The following LRRC4C variants were observed in gnomAD, a reference collection of about 807,000 sequenced individuals.
LRRC4C encodes the protein leucine-rich repeat-containing protein 4C.
A neutral mutation model predicts 33.6 loss-of-function variants in LRRC4C; 5 were observed. The ratio of observed to expected loss-of-function variants is 0.15; its 90% confidence interval spans 0.08 to 0.31. LRRC4C has a LOEUF of 0.31. Among genes scored for constraint, LRRC4C ranks in the 10% least tolerant of loss-of-function variants. The pLI is 1.00. For synonymous variants in LRRC4C, 329 were observed against 302.0 expected (o/e 1.09, Z -0.93); for missense variants, 560 against 796.7 (o/e 0.70, Z 3.58).
At chr11:40,309,939 C>A (rs1174551638) in intron 4 of LRRC4C, among the ~76,000 whole-genome samples, 1 of 152,144 alleles carries the variant, frequency 6.6e-6, no homozygotes, top group African/African-American at 2.4e-5. Context: ...CATCTTCTTC[C>A]CTCCTGCTGG....
At chr11:41,364,388 C>T (rs1240230695) in intron 1 of LRRC4C, among the ~76,000 whole-genome samples, 1 of 152,114 alleles carries the variant, frequency 6.6e-6, no homozygotes, top group Non-Finnish European at 1.5e-5. Flanking sequence ...AAGCGATTCT[C>T]CTGCCTCAGC....
intron 3 of LRRC4C, among the ~76,000 whole-genome samples, chr11:40,463,481 G>T (rs911557331): frequency 7.2e-5 from 11 of 151,934 alleles, no homozygotes; most frequent in African/African-American, 2.7e-4. Context: ...CTCAAAATTG[G>T]TAGATAAGAC....
intron 3 of LRRC4C, among the ~76,000 whole-genome samples, chr11:40,570,856 TATTTG>T (rs1402277945): frequency 3.3e-5 from 5 of 152,136 alleles, no homozygotes; most frequent in African/African-American, 1.2e-4. Context: ...TGTAATCAAA[TATTTG>T]ATTTATTAAA....
chr11:40,933,065 A>T (rs767864317), intron 2 of LRRC4C, among the ~76,000 whole-genome samples: 1 of 152,320 alleles, frequency 6.6e-6, no homozygotes, highest in Non-Finnish European at 1.5e-5. Flanking sequence ...TCAGTGACTG[A>T]CTTTGGATTC....
chr11:41,162,790 A>G (rs1944532083), intron 1 of LRRC4C, among the ~76,000 whole-genome samples: 1 of 152,220 alleles, frequency 6.6e-6, no homozygotes, highest in Non-Finnish European at 1.5e-5. Context: ...ATAGTGGTGA[A>G]TGTGAAGGCC....
At chr11:41,436,057 A>G (rs1955415179) in intron 1 of LRRC4C, among the ~76,000 whole-genome samples, 1 of 152,138 alleles carries the variant, frequency 6.6e-6, no homozygotes, top group Non-Finnish European at 1.5e-5. Context: ...TATAAAAATT[A>G]GCTGGGTGTG....
intron 2 of LRRC4C, among the ~76,000 whole-genome samples, chr11:40,780,484 T>A (rs1950170583): frequency 6.6e-6 from 1 of 152,122 alleles, no homozygotes; most frequent in Non-Finnish European, 1.5e-5. Context: ...GTAAAGTAAT[T>A]TCCTAAAAGA....
At chr11:40,561,408 C>CTTTTTTTTT (rs549919738) in intron 3 of LRRC4C, among the ~76,000 whole-genome samples, 1 of 100,936 alleles carries the variant, frequency 9.9e-6, no homozygotes, top group Non-Finnish European at 1.9e-5. Flanking sequence ...CTGAGGATTC[C>CTTTTTTTTT]TTTTTTTTTT....
chr11:41,412,076 T>C (rs1439931092), intron 1 of LRRC4C, among the ~76,000 whole-genome samples: 1 of 152,226 alleles, frequency 6.6e-6, no homozygotes, highest in Non-Finnish European at 1.5e-5. Flanking sequence ...ATGATAGCGC[T>C]CAAGGAGCCT....
intron 1 of LRRC4C, among the ~76,000 whole-genome samples, chr11:40,988,700 T>C (rs1853254125): frequency 7.9e-6 from 1 of 126,136 alleles, no homozygotes. Flanking sequence ...TTTGTTTTCC[T>C]TTCTTTTCTT....
At chr11:41,191,063 A>AT (rs1945923725) in intron 1 of LRRC4C, among the ~76,000 whole-genome samples, 1 of 151,936 alleles carries the variant, frequency 6.6e-6, no homozygotes, top group African/African-American at 2.4e-5. Context: ...TCTCCCAGCT[A>AT]TTTTCTCTTT....
intron 2 of LRRC4C, among the ~76,000 whole-genome samples, chr11:40,839,950 A>G (rs1464856185): frequency 2.6e-5 from 4 of 152,218 alleles, no homozygotes; most frequent in South Asian, 4.1e-4. Flanking sequence ...GAAATATCCT[A>G]TGATATTTTA....
intron 3 of LRRC4C, among the ~76,000 whole-genome samples, chr11:40,568,477 T>G (rs763393562): frequency 6.6e-5 from 10 of 152,220 alleles, no homozygotes; most frequent in African/African-American, 1.7e-4. Context: ...ATTTATGGTG[T>G]TGTTGTTGTA....
chr11:40,126,695 T>C (rs899832397), intron 6 of LRRC4C, among the ~76,000 whole-genome samples: 245 of 152,240 alleles, frequency 1.6e-3, no homozygotes, highest in Middle Eastern at 3.4e-3. Flanking sequence ...GCGTGGTGGC[T>C]CACATCTGTA....
intron 2 of LRRC4C, among the ~76,000 whole-genome samples, chr11:40,759,774 C>A: frequency 6.6e-6 from 1 of 151,898 alleles, no homozygotes. Context: ...AATCTTTATA[C>A]ATTTTTCCCC....
At chr11:40,280,831 C>T (rs1402393823) in intron 4 of LRRC4C, among the ~76,000 whole-genome samples, 5 of 152,174 alleles carry the variant, frequency 3.3e-5, no homozygotes, top group Admixed American at 1.3e-4. Flanking sequence ...CTGCTTCCAT[C>T]CACAGCTTCC....
At chr11:40,746,403 C>T (rs1253217206) in intron 2 of LRRC4C, among the ~76,000 whole-genome samples, 1 of 152,166 alleles carries the variant, frequency 6.6e-6, no homozygotes, top group Non-Finnish European at 1.5e-5. Flanking sequence ...GAAGCACAGG[C>T]TGCTGCTTTA....
At chr11:41,008,814 T>C (rs1592323608) in intron 1 of LRRC4C, among the ~76,000 whole-genome samples, 1 of 152,228 alleles carries the variant, frequency 6.6e-6, no homozygotes, top group African/African-American at 2.4e-5. Context: ...TTCCTTTTTA[T>C]TTTATTTTTA....
chr11:40,454,946 G>A (rs1021995655), intron 3 of LRRC4C, among the ~76,000 whole-genome samples: 3 of 152,040 alleles, frequency 2.0e-5, no homozygotes, highest in African/African-American at 7.2e-5. Context: ...CAGAATGGGA[G>A]GTATAAAGTG....
Sources: gnomAD v4.1 joint callset for allele counts (sites outside exome capture counted in the v4.1 genomes callset) on GRCh38, gnomAD v4.1.1 for gene constraint, MANE v1.5 for transcripts, NCBI Gene and HGNC (gene_info 2026-07-23, HGNC 2026-07-21) for gene names.